Variants in PTPRT observed in about 807,000 individuals in gnomAD.
The protein encoded by PTPRT is receptor-type tyrosine-protein phosphatase T.
Under a neutral mutation model 176.8 loss-of-function variants are expected in PTPRT, and 56 were observed. The ratio of observed to expected loss-of-function variants is 0.32; its 90% CI spans 0.26 to 0.40. The LOEUF is 0.40. Ranked by LOEUF, PTPRT falls within the 10% of genes least tolerant of loss-of-function variation. The pLI is 1.00. For missense variants in PTPRT, 1,540 were observed against 1,908.2 expected, an observed-to-expected ratio of 0.81 and a Z score of 3.60; for synonymous variants, 783 against 739.0, an observed-to-expected ratio of 1.06 and a Z score of -0.96.
intron 7 of PTPRT, among the ~76,000 whole-genome samples, chr20:42,675,567 T>C (rs552370101): frequency 6.6e-6 from 1 of 152,350 alleles, no homozygotes; most frequent in Admixed American, 6.5e-5. Flanking sequence ...ATGCTATCGA[T>C]AAGCAATCAT....
At chr20:43,049,412 C>T (rs1986964961) in intron 1 of PTPRT, among the ~76,000 whole-genome samples, 1 of 152,166 alleles carries the variant, frequency 6.6e-6, no homozygotes, top group South Asian at 2.1e-4. Context: ...CATCTCTCTA[C>T]TTCAACATCT....
At chr20:42,099,179 C>CA (rs1985610947) in intron 26 of PTPRT, among the ~76,000 whole-genome samples, 1 of 145,530 alleles carries the variant, frequency 6.9e-6, no homozygotes, top group Non-Finnish European at 1.5e-5. Flanking sequence ...CCCATTTATT[C>CA]ATTCATCCAT....
chr20:42,720,957 G>A (rs926738998), intron 6 of PTPRT, among the ~76,000 whole-genome samples: 1 of 152,176 alleles, frequency 6.6e-6, no homozygotes, highest in South Asian at 2.1e-4. Flanking sequence ...TGTCCCAGAT[G>A]CTCTGAGCTC....
chr20:42,600,583 T>C (rs1213695217), intron 7 of PTPRT, among the ~76,000 whole-genome samples: 3 of 152,192 alleles, frequency 2.0e-5, no homozygotes, highest in African/African-American at 4.8e-5. Flanking sequence ...ATTGCGCCGA[T>C]AGGTAGTATT....
chr20:42,063,978 GA>G, the PTPRT span: 1 of 151,748 alleles, frequency 6.6e-6, no homozygotes. Context: ...GCACTGAATT[GA>G]AAAAACTTTG....
intron 7 of PTPRT, among the ~76,000 whole-genome samples, chr20:42,649,557 C>T (rs2074990913): frequency 2.6e-5 from 4 of 152,158 alleles, no homozygotes; most frequent in Admixed American, 2.0e-4. Context: ...CATGGAGGCA[C>T]ACATTTATGT....
chr20:42,255,817 A>T (rs73120015), intron 13 of PTPRT, among the ~76,000 whole-genome samples: 2,400 of 152,318 alleles, frequency 0.016, 30 homozygotes, highest in Non-Finnish European at 0.022. Context: ...TGGATGCATA[A>T]CCCATGCTGG....
rs549240860 is a variant in PTPRT, at chr20:42,303,524, A to G, written c.2139+12199T>C. Among the ~76,000 whole-genome samples, 6 of 152,252 alleles carry G rather than the reference A, an allele frequency of 3.9e-5. No homozygotes were observed. In the South Asian group the frequency reaches 1.0e-3, roughly 26 times the overall value. On this transcript the variant is annotated intron_variant, in intron 12 of 30. Coordinates refer to ENST00000373187, the MANE Select transcript of PTPRT (RefSeq NM_007050.6). ...GTAAATGCATAGGACTTTTAACTGC[A>G]TTTTTCACATGCACAGATTCAACCC...
chr20:42,920,535 T>G (rs1311893257), intron 1 of PTPRT, among the ~76,000 whole-genome samples: 3 of 151,978 alleles, frequency 2.0e-5, no homozygotes, highest in Non-Finnish European at 4.4e-5. Context: ...GCTGTAGCCT[T>G]ACATTTTAAA....
intron 1 of PTPRT, among the ~76,000 whole-genome samples, chr20:42,938,104 C>T (rs546611219): frequency 2.6e-5 from 4 of 152,236 alleles, no homozygotes; most frequent in African/African-American, 9.6e-5. Flanking sequence ...AAAGATGCTA[C>T]AAGTGGTTTA....
intron 2 of PTPRT, among the ~76,000 whole-genome samples, chr20:42,827,006 T>C (rs2078005507): frequency 6.6e-6 from 1 of 152,106 alleles, no homozygotes; most frequent in Admixed American, 6.5e-5. Flanking sequence ...AAAGAAGACC[T>C]AACCTAACCC....
At chr20:42,614,855 G>A (rs983455448) in intron 7 of PTPRT, among the ~76,000 whole-genome samples, 2 of 151,888 alleles carry the variant, frequency 1.3e-5, no homozygotes, top group Non-Finnish European at 2.9e-5. Context: ...CACATCTTAC[G>A]TGGATAGGTG....
At chr20:42,251,507 G>A (rs186990201) in intron 13 of PTPRT, among the ~76,000 whole-genome samples, 1 of 151,992 alleles carries the variant, frequency 6.6e-6, no homozygotes, top group Non-Finnish European at 1.5e-5. Context: ...CTTGAACCCT[G>A]TTAAGGTTTG....
At chr20:42,200,887 G>T (rs1045275975) in intron 15 of PTPRT, among the ~76,000 whole-genome samples, 1 of 152,152 alleles carries the variant, frequency 6.6e-6, no homozygotes, top group African/African-American at 2.4e-5. Flanking sequence ...CACACAAAAA[G>T]GGCTGTCCCA....
chr20:42,529,829 C>T (rs2072348269), intron 7 of PTPRT, among the ~76,000 whole-genome samples: 1 of 146,044 alleles, frequency 6.8e-6, no homozygotes, highest in African/African-American at 2.6e-5. Context: ...ACTCTTATTC[C>T]TGTGCAACTT....
chr20:42,777,502 G>A (rs6103038), intron 4 of PTPRT, among the ~76,000 whole-genome samples: 8 of 151,602 alleles, frequency 5.3e-5, no homozygotes, highest in East Asian at 1.9e-4. Context: ...CCCAGACACC[G>A]ACACTTACTA....
At position 42,637,835 on chromosome 20, in the gene PTPRT, A is replaced by G. The variant is rs115628220; in HGVS notation, c.1153+40031T>C. Among the ~76,000 whole-genome samples the G allele has an allele frequency of 2.4e-3, 359 of 152,296 alleles. 3 individuals are homozygous for G. Among genetic ancestry groups the G allele is most frequent in the African/African-American group, 8.3e-3 (343 of 41,538 alleles). ...ATTTTAAGAAAGAGCAACTGCAAAT[A>G]TATTAGCCAGCCTCCAAACTGACAA... On this transcript the variant is annotated intron_variant, in intron 7 of 30. Transcript: ENST00000373187.
intron 7 of PTPRT, among the ~76,000 whole-genome samples, chr20:42,504,388 C>T (rs1233398942): frequency 6.6e-6 from 1 of 152,044 alleles, no homozygotes; most frequent in African/African-American, 2.4e-5. Flanking sequence ...GCAACTGTCT[C>T]AAATTTGGCT....
intron 9 of PTPRT, among the ~76,000 whole-genome samples, chr20:42,396,576 G>A (rs191606011): frequency 1.3e-5 from 2 of 152,086 alleles, no homozygotes; most frequent in East Asian, 3.9e-4. Flanking sequence ...TTTCTTTTTT[G>A]TTTGAGACGC....
Sources: gnomAD v4.1 joint callset for allele counts (sites outside exome capture counted in the v4.1 genomes callset) on GRCh38, gnomAD v4.1.1 for gene constraint, MANE v1.5 for transcripts, NCBI Gene and HGNC (gene_info 2026-07-23, HGNC 2026-07-21) for gene names.